STN1: variants seen among roughly 807,000 people sequenced by gnomAD.
The protein encoded by STN1 is CST complex subunit STN1.
Under a neutral mutation model 45.5 loss-of-function variants are expected in STN1, and 29 were observed. The ratio of observed to expected loss-of-function variants is 0.64; its 90% confidence interval spans 0.47 to 0.87. The LOEUF (loss-of-function observed/expected upper bound fraction) is 0.87, where lower values mean the gene tolerates loss of function less well. Among genes scored for constraint, STN1 ranks in the 40% least tolerant of loss-of-function variants. The probability of loss-of-function intolerance (pLI) is 0.00; values close to 1 mark genes in which losing one functional copy is unlikely to be tolerated. For missense variants in STN1, 376 were observed against 441.4 expected (o/e 0.85, Z 1.33); for synonymous variants, 148 against 159.0 (o/e 0.93, Z 0.52).
intron 9 of STN1, among the ~76,000 whole-genome samples, chr10:103,885,135 A>C (rs1843095315): frequency 6.6e-6 from 1 of 152,088 alleles, no homozygotes; most frequent in Admixed American, 6.5e-5. Flanking sequence ...ATGAGAGACC[A>C]GGGGGAACTA....
At position 103,909,460 on chromosome 10, in the gene STN1, GTA is replaced by G. The variant is rs1350177537; in HGVS notation, c.229+1065_229+1066del. Among the ~76,000 whole-genome samples, 28 of 100,356 alleles carry G rather than the reference GTA, an allele frequency of 2.8e-4. 5 individuals are homozygous for G. Among genetic ancestry groups the G allele is most frequent in the African/African-American group, 8.0e-4 (19 of 23,852 alleles). The allele number at this position is 100,356 out of a possible 152,430, so 65.8% of individuals were successfully genotyped here. A position where few individuals can be genotyped will look rare whatever the true frequency, so the allele number is the denominator to read the frequency against. On this transcript the variant is annotated intron_variant, in intron 3 of 9. Coordinates refer to ENST00000224950, the MANE Select transcript of STN1 (RefSeq NM_024928.5). Reference sequence around the variant, plus strand: ...TATATATATGTATATATGTATATATGTATATATATGTATATATGTATATATAT... The same window carrying G: ...TATATATATGTATATATGTATATATGTATATATGTATATATGTATATATAT...
rs1843235032 is a variant in STN1, at chr10:103,905,536, T to C, written c.230-380A>G. ...ACTGCTCACATAGAAAATCAGCCTT[T>C]CTCTCCCACCCTGAAACAAGAGAGC... On this transcript the variant is annotated intron_variant, in intron 3 of 9. Coordinates refer to ENST00000224950, the MANE Select transcript of STN1 (RefSeq NM_024928.5). Among the ~76,000 whole-genome samples the C allele has an allele frequency of 2.0e-5, 3 of 152,300 alleles. No homozygotes were observed. In the South Asian group the frequency reaches 6.2e-4, roughly 32 times the overall value.
chr10:103,893,149 G>A (rs924537679), intron 7 of STN1, among the ~76,000 whole-genome samples: 20 of 151,888 alleles, frequency 1.3e-4, no homozygotes, highest in Admixed American at 5.2e-4. Context: ...AGAAAAGGGC[G>A]AACAACAATT....
intron 6 of STN1, chr10:103,898,157 T>TATTTCACTTTTTATA (rs1843183774): frequency 5.1e-5 from 8 of 155,534 alleles, no homozygotes; most frequent in Admixed American, 3.8e-4. Flanking sequence ...GAGTCTATAG[T>TATTTCACTTTTTATA]TGTGCTTTTA....
intron 4 of STN1, among the ~76,000 whole-genome samples, chr10:103,900,481 C>T (rs1322497366): frequency 3.9e-5 from 6 of 152,174 alleles, no homozygotes; most frequent in African/African-American, 1.2e-4. Flanking sequence ...CCGACAGGCT[C>T]CAGGGCCTTC....
chr10:103,912,931 C>A (rs1843300971), intron 2 of STN1, among the ~76,000 whole-genome samples: 1 of 152,184 alleles, frequency 6.6e-6, no homozygotes, highest in African/African-American at 2.4e-5. Flanking sequence ...CAATCAGAGG[C>A]AGAAAGCAGA....
In STN1 at chr10:103,877,643, T is replaced by C. The variant is rs1843039535; in HGVS notation, c.*5041A>G. 6.6e-6 allele frequency: 1 copy of C among 152,172 alleles called. No homozygotes were observed. The highest frequency in any genetic ancestry group is 1.5e-5 in the Non-Finnish European group (1 of 68,040). 9.4% of individuals were successfully genotyped at this position (152,172 alleles called of 1,614,324 possible). ...GATGATAGTGCAAGTTCAATAGAAG[T>C]AGGGTGATTTAAAAACATTCTGGAT... On this transcript the variant is annotated 3_prime_UTR_variant, in exon 10 of 10. Coordinates refer to ENST00000224950, the MANE Select transcript of STN1 (RefSeq NM_024928.5).
chr10:103,910,905 G>T (rs1843285767), intron 2 of STN1, among the ~76,000 whole-genome samples: 1 of 152,016 alleles, frequency 6.6e-6, no homozygotes, highest in South Asian at 2.1e-4. Context: ...TGTTCTGAAT[G>T]CTCACAAGGG....
chr10:103,917,735 G>A (rs928827264), intron 1 of STN1, 79 bp from the exon 2 acceptor site: 1 of 860,648 alleles, frequency 1.2e-6, no homozygotes, highest in African/African-American at 1.7e-5. Flanking sequence ...GCTCCCAGGT[G>A]GGCGTCCAGG....
chr10:103,889,252 T>C (rs1326995653), intron 8 of STN1, 108 bp from the exon 9 acceptor site: 1 of 717,280 alleles, frequency 1.4e-6, no homozygotes, highest in Admixed American at 2.1e-5. Flanking sequence ...GATTACATAA[T>C]AATCATCTTC....
At chr10:103,913,023 G>A (rs1843301763) in intron 2 of STN1, among the ~76,000 whole-genome samples, 2 of 152,246 alleles carry the variant, frequency 1.3e-5, no homozygotes, top group Non-Finnish European at 2.9e-5. Flanking sequence ...ATGCTCTGCT[G>A]GTGATGTCTG....
chr10:103,914,052 C>T (rs768502986), intron 2 of STN1, among the ~76,000 whole-genome samples: 49 of 152,102 alleles, frequency 3.2e-4, no homozygotes, highest in Non-Finnish European at 6.5e-4. Flanking sequence ...CTTTTGATTG[C>T]TCTCTTTTTA....
At chr10:103,912,232 A>C (rs1843296483) in intron 2 of STN1, among the ~76,000 whole-genome samples, 2 of 151,922 alleles carry the variant, frequency 1.3e-5, no homozygotes, top group Non-Finnish European at 2.9e-5. Flanking sequence ...AATTTTTAAA[A>C]TTTTTCATAG....
chr10:103,909,486 ATGTGTG>A (rs747279816), intron 3 of STN1, among the ~76,000 whole-genome samples: 14 of 53,068 alleles, frequency 2.6e-4, no homozygotes, highest in East Asian at 2.7e-3. Context: ...ATGTATATAT[ATGTGTG>A]TGTGTATATG....
chr10:103,893,495 AT>A, intron 7 of STN1, among the ~76,000 whole-genome samples: 1 of 152,162 alleles, frequency 6.6e-6, no homozygotes, highest in Non-Finnish European at 1.5e-5. Flanking sequence ...TGTGACAGAA[AT>A]TTGTCAAGAT....
rs144389363 is a variant in STN1, at chr10:103,880,955, G to T, written c.*1729C>A. ...ATGCAGAAATATACACTCTCTCTAC[G>T]GATATATACATACACACAGGGAGCT... On this transcript the variant is annotated 3_prime_UTR_variant, in exon 10 of 10. Coordinates refer to ENST00000224950, the MANE Select transcript of STN1 (RefSeq NM_024928.5). Among the ~76,000 whole-genome samples the T allele has an allele frequency of 6.6e-6, 1 of 151,976 alleles. No individual in the cohort carries two copies. Among genetic ancestry groups the T allele is most frequent in the Non-Finnish European group, 1.5e-5 (1 of 68,000 alleles).
In STN1 at chr10:103,878,546, C is replaced by T. The variant is rs1017496998; in HGVS notation, c.*4138G>A. 1 of 152,156 alleles carries T rather than the reference C, an allele frequency of 6.6e-6. No homozygotes were observed. Among genetic ancestry groups the T allele is most frequent in the Non-Finnish European group, 1.5e-5 (1 of 68,040 alleles). The allele number at this position is 152,156 out of a possible 1,614,324, so 9.4% of individuals were successfully genotyped here. ...GACTGCCCGGGCCGAGTCTGGCTTA[C>T]ACACCGGTTGAATTCTTGTCCAGCG... On this transcript the variant is annotated 3_prime_UTR_variant, in exon 10 of 10. Transcript: ENST00000224950.
chr10:103,878,675 C>T lies in STN1; in HGVS notation c.*4009G>A, dbSNP rs1180851260. Reference sequence around the variant, plus strand: ...GGGGTAAAAAGCACCTGAGATCTCACCATGCAGAGGTAACATGTGCATCCC... The same window carrying T: ...GGGGTAAAAAGCACCTGAGATCTCATCATGCAGAGGTAACATGTGCATCCC... On this transcript the variant is annotated 3_prime_UTR_variant, in exon 10 of 10. Transcript: ENST00000224950. 6.6e-6 allele frequency: 1 copy of T among 152,200 alleles called. No individual in the cohort carries two copies. The highest frequency in any genetic ancestry group is 2.4e-5 in the African/African-American group (1 of 41,442). 9.4% of individuals were successfully genotyped at this position (152,200 alleles called of 1,614,324 possible). A position where few individuals can be genotyped will look rare whatever the true frequency, so the allele number is the denominator to read the frequency against.
chr10:103,917,011 A>G (rs139533767), intron 2 of STN1, among the ~76,000 whole-genome samples: 1 of 152,230 alleles, frequency 6.6e-6, no homozygotes, highest in African/African-American at 2.4e-5. Context: ...TCAGGAATCA[A>G]AAGATTCCAT....
Sources: allele counts gnomAD v4.1 joint callset (sites outside exome capture counted in the v4.1 genomes callset), GRCh38; gene constraint gnomAD v4.1.1; transcripts MANE v1.5; gene names NCBI Gene and HGNC (gene_info 2026-07-23, HGNC 2026-07-21).